Variants in BTAF1 observed in about 807,000 individuals in gnomAD.
BTAF1 encodes the protein TATA-binding protein-associated factor 172.
BTAF1 carries 38 observed loss-of-function variants against 227.1 expected under a neutral mutation model. The ratio of observed to expected loss-of-function variants is 0.17; its 90% CI spans 0.13 to 0.22. The LOEUF is 0.22. BTAF1 is among the 10% of genes least tolerant of loss of function. The pLI, the probability that BTAF1 is intolerant of heterozygous loss-of-function variation, is 1.00. For synonymous variants in BTAF1, 742 were observed against 751.9 expected (o/e 0.99, Z 0.21); for missense variants, 1,598 against 2,204.0 (o/e 0.73, Z 5.51).
chr10:92,029,911 A>C lies in BTAF1; in HGVS notation c.*978A>C, dbSNP rs1289437522. ...ACCCAAAAAGGTGCCTGGTATTGGC[A>C]CTAAAATCATGTAGTTATACTGGGC... On this transcript the variant is annotated 3_prime_UTR_variant, in exon 38 of 38. Transcript: ENST00000265990. The C allele has an allele frequency of 6.6e-6, 1 of 152,540 alleles. No individual in the cohort carries two copies. 9.4% of individuals were successfully genotyped at this position (152,540 alleles called of 1,614,324 possible). A position where few individuals can be genotyped will look rare whatever the true frequency, so the allele number is the denominator to read the frequency against.
At chr10:91,947,753 A>G (rs1467504352) in intron 4 of BTAF1, among the ~76,000 whole-genome samples, 1 of 140,864 alleles carries the variant, frequency 7.1e-6, no homozygotes, top group African/African-American at 2.5e-5. Flanking sequence ...AAAAAAAAAA[A>G]AAAAGCCAGC....
rs1020454382 is a variant in BTAF1 at position 92,016,583 on chromosome 10, A to G, written c.4710+118A>G. The stretch of plus-strand genomic sequence containing the variant: ...AACCTCTGCCTCCTGGGTTCAAGCT[A>G]TCATGCCTCAGACTCCTGAGTAGCT... On this transcript the variant is annotated intron_variant, in intron 33 of 37. Coordinates refer to ENST00000265990, the MANE Select transcript of BTAF1 (RefSeq NM_003972.3). 9.7e-5 allele frequency: 79 copies of G among 814,012 alleles called. No individual in the cohort carries two copies. In the African/African-American group the frequency reaches 1.0e-3, roughly 11 times the overall value. 50.4% of individuals were successfully genotyped at this position (814,012 alleles called of 1,614,324 possible).
Position 92,004,103 on chromosome 10 carries a change from A to C in BTAF1, c.3661-4020A>C, listed in dbSNP as rs1358235787. Among the ~76,000 whole-genome samples, 3 of 151,220 alleles carry C rather than the reference A, an allele frequency of 2.0e-5. No homozygotes were observed. The East Asian group carries it at 5.8e-4, about 29-fold the overall frequency. ...ATCTTATTTTCTTTCTGTTGAGTTG[A>C]GTTCCTTTTATATTTTAGATACTAA... is the stretch of plus-strand genomic sequence containing the variant. On this transcript the variant is annotated intron_variant, in intron 25 of 37. Transcript: ENST00000265990.
chr10:91,991,828 TATATACACAC>T (rs1848808054), intron 20 of BTAF1, among the ~76,000 whole-genome samples: 2 of 132,846 alleles, frequency 1.5e-5, no homozygotes, highest in South Asian at 4.8e-4. Flanking sequence ...TATATATATA[TATATACACAC>T]ATATATACAC....
intron 4 of BTAF1, among the ~76,000 whole-genome samples, chr10:91,947,034 G>C (rs1845416489): frequency 6.6e-6 from 1 of 151,792 alleles, no homozygotes; most frequent in African/African-American, 2.4e-5. Flanking sequence ...GTAGAGATAG[G>C]GTTTCACTGT....
intron 11 of BTAF1, 98 bp from the exon 12 acceptor site, chr10:91,962,440 G>T: frequency 1.3e-6 from 1 of 791,866 alleles, no homozygotes; most frequent in Non-Finnish European, 2.0e-6. Context: ...TATAAATATT[G>T]GAATTTAGCT....
intron 14 of BTAF1, among the ~76,000 whole-genome samples, chr10:91,975,906 C>T (rs1426160591): frequency 6.6e-6 from 1 of 152,176 alleles, no homozygotes; most frequent in Non-Finnish European, 1.5e-5. Flanking sequence ...CTTACACCAA[C>T]CAATTATCCA....
chr10:91,979,267 T>G (rs1187283302), intron 14 of BTAF1, among the ~76,000 whole-genome samples: 1 of 152,200 alleles, frequency 6.6e-6, no homozygotes, highest in Non-Finnish European at 1.5e-5. Flanking sequence ...TTGTGAATAG[T>G]GTTGCAGTGA....
At chr10:92,017,115 G>GA (rs1850794158) in intron 33 of BTAF1, among the ~76,000 whole-genome samples, 1 of 152,186 alleles carries the variant, frequency 6.6e-6, no homozygotes, top group Non-Finnish European at 1.5e-5. Flanking sequence ...TTCCCTTGTA[G>GA]AGATGAAAAA....
At chr10:91,991,844 T>TAC (rs1848814537) in intron 20 of BTAF1, among the ~76,000 whole-genome samples, 1 of 146,514 alleles carries the variant, frequency 6.8e-6, no homozygotes, top group Non-Finnish European at 1.5e-5. Flanking sequence ...CACACATATA[T>TAC]ACACACACAA....
intron 23 of BTAF1, 72 bp from the exon 24 acceptor site, chr10:91,996,297 A>G (rs1339487236): frequency 4.3e-5 from 58 of 1,357,686 alleles, no homozygotes; most frequent in Non-Finnish European, 5.9e-5. Context: ...TTTCCTGAGT[A>G]TGGGCTATTA....
At chr10:92,000,851 T>C (rs187752735) in intron 25 of BTAF1, among the ~76,000 whole-genome samples, 63 of 152,184 alleles carry the variant, frequency 4.1e-4, no homozygotes, top group African/African-American at 1.4e-3. Context: ...ACCCGGTTTG[T>C]TTGTTCTTAA....
intron 19 of BTAF1, among the ~76,000 whole-genome samples, chr10:91,987,253 G>A (rs1848463888): frequency 6.6e-6 from 1 of 152,178 alleles, no homozygotes; most frequent in East Asian, 1.9e-4. Context: ...GGAGGCCGAG[G>A]TGGGTGGATC....
chr10:92,024,796 A>G lies in BTAF1; in HGVS notation c.4904A>G (p.Glu1635Gly), dbSNP rs759063882. The G allele has an allele frequency of 6.2e-7, 1 of 1,611,634 alleles. No homozygotes were observed. The highest frequency in any genetic ancestry group is 8.5e-7 in the Non-Finnish European group (1 of 1,179,634). The part of the protein sequence containing the change: ...DCGLGNGSTS[E>G]SGTESVVAQH... ...GGTTTGGGAAATGGCAGCACTTCCG[A>G]GAGTGGCACAGAGTCTGTTGTGGCC... is the stretch of plus-strand genomic sequence containing the variant. The change falls in exon 35 of 38, where the codon GAG becomes GGG. Residue 1635 changes from glutamate to glycine, a missense_variant. By Grantham distance (98) the Glu-to-Gly change is moderately conservative. This residue lies in a region of BTAF1 where 205 missense variants were observed against 244.5 expected (regional missense o/e 0.84). Coordinates refer to ENST00000265990, the MANE Select transcript of BTAF1 (RefSeq NM_003972.3).
chr10:91,967,152 C>A (rs904994011), intron 14 of BTAF1, among the ~76,000 whole-genome samples: 12 of 152,168 alleles, frequency 7.9e-5, no homozygotes, highest in Non-Finnish European at 1.3e-4. Context: ...TAGAGTACAA[C>A]TCTTAAAAGA....
At position 92,028,763 on chromosome 10, in the gene BTAF1, T is replaced by TA. The variant is rs1554871307; in HGVS notation, c.5407-27_5407-26insA. The stretch of plus-strand genomic sequence containing the variant: ...GTGAAGTTAACCTCTCATTTTATTT[T>TA]TTTTTTTTTTGCCAATTTTTCTTAA... On this transcript the variant is annotated intron_variant, in intron 37 of 37. Coordinates refer to ENST00000265990, the MANE Select transcript of BTAF1 (RefSeq NM_003972.3). 3.8e-6 allele frequency: 6 copies of TA among 1,570,690 alleles called. No homozygotes were observed. In the East Asian group the frequency reaches 1.1e-4, roughly 30 times the overall value.
intron 7 of BTAF1, 135 bp from the exon 8 acceptor site, chr10:91,957,090 A>C (rs973872824): frequency 7.3e-6 from 4 of 548,252 alleles, no homozygotes; most frequent in Non-Finnish European, 1.3e-5. Context: ...ATATATCTTA[A>C]TTAGTTAAAA....
chr10:92,021,698 C>T (rs1228932079), intron 34 of BTAF1, among the ~76,000 whole-genome samples: 3 of 151,972 alleles, frequency 2.0e-5, no homozygotes, highest in Non-Finnish European at 2.9e-5. Flanking sequence ...CCCACCACCA[C>T]GCCCGGCTAA....
intron 19 of BTAF1, among the ~76,000 whole-genome samples, chr10:91,987,448 G>T (rs138391654): frequency 6.6e-6 from 1 of 151,912 alleles, no homozygotes; most frequent in Admixed American, 6.6e-5. Context: ...ACGCCACTGC[G>T]CTCCAGCCTG....
Sources: allele counts gnomAD v4.1 joint callset (sites outside exome capture counted in the v4.1 genomes callset), GRCh38; gene constraint gnomAD v4.1.1; regional missense constraint gnomAD v4.1.1; transcripts MANE v1.5; gene names NCBI Gene and HGNC (gene_info 2026-07-23, HGNC 2026-07-21).